CHSY3: variants seen among roughly 807,000 people sequenced by gnomAD.
CHSY3 encodes chondroitin sulfate synthase 3.
In CHSY3, 35 loss-of-function variants were observed where a neutral mutation model predicts 67.2. The ratio of observed to expected loss-of-function variants is 0.52; its 90% CI spans 0.40 to 0.69. The LOEUF (loss-of-function observed/expected upper bound fraction) is 0.69. Ranked by LOEUF, CHSY3 falls within the 30% of genes least tolerant of loss-of-function variation. The pLI is 0.00. For synonymous variants in CHSY3, 474 were observed against 434.7 expected, an observed-to-expected ratio of 1.09 and a Z score of -1.12; for missense variants, 1,069 against 1,138.5, an observed-to-expected ratio of 0.94 and a Z score of 0.88.
At chr5:129,999,897 G>A (rs922823026) in intron 2 of CHSY3, among the ~76,000 whole-genome samples, 1 of 151,850 alleles carries the variant, frequency 6.6e-6, no homozygotes, top group African/African-American at 2.4e-5. Flanking sequence ...TAAGAATTAG[G>A]ATACCACAGG....
chr5:129,967,028 A>G (rs779893705), intron 2 of CHSY3, among the ~76,000 whole-genome samples: 9 of 151,854 alleles, frequency 5.9e-5, no homozygotes, highest in Non-Finnish European at 8.8e-5. Context: ...TTCTATTTAT[A>G]TAACCAATTT....
At chr5:130,014,013 T>C (rs1764140519) in intron 2 of CHSY3, among the ~76,000 whole-genome samples, 1 of 152,304 alleles carries the variant, frequency 6.6e-6, no homozygotes, top group Non-Finnish European at 1.5e-5. Flanking sequence ...CACATATCCC[T>C]AAAGCACTGC....
chr5:130,133,601 A>G (rs1480564346), intron 2 of CHSY3, among the ~76,000 whole-genome samples: 1 of 151,564 alleles, frequency 6.6e-6, no homozygotes, highest in Non-Finnish European at 1.5e-5. Context: ...GTAAAACCCC[A>G]TCTATACTAA....
At chr5:130,037,202 G>A (rs1764885437) in intron 2 of CHSY3, among the ~76,000 whole-genome samples, 1 of 152,192 alleles carries the variant, frequency 6.6e-6, no homozygotes, top group Admixed American at 6.5e-5. Context: ...CCCACCTCTT[G>A]ACCTAGAAAA....
chr5:130,139,096 T>C (rs1027224941), intron 2 of CHSY3, among the ~76,000 whole-genome samples: 4 of 152,156 alleles, frequency 2.6e-5, no homozygotes, highest in Non-Finnish European at 4.4e-5. Flanking sequence ...ATGGAAAGTG[T>C]CTAAACATAG....
At chr5:130,086,253 T>C (rs1410374210) in intron 2 of CHSY3, among the ~76,000 whole-genome samples, 8 of 152,042 alleles carry the variant, frequency 5.3e-5, no homozygotes, top group Non-Finnish European at 1.0e-4. Flanking sequence ...CTAAGTCTCT[T>C]TGTAGGTCAC....
At chr5:130,015,113 A>G (rs769913905) in intron 2 of CHSY3, among the ~76,000 whole-genome samples, 2 of 152,062 alleles carry the variant, frequency 1.3e-5, no homozygotes, top group Middle Eastern at 3.2e-3. Flanking sequence ...TGTTTTTCTC[A>G]TGATAGTGAG....
At chr5:129,983,657 G>A (rs1456656183) in intron 2 of CHSY3, among the ~76,000 whole-genome samples, 1 of 151,962 alleles carries the variant, frequency 6.6e-6, no homozygotes, top group African/African-American at 2.4e-5. Flanking sequence ...ACTAATGACA[G>A]AACTATGAAA....
intron 2 of CHSY3, among the ~76,000 whole-genome samples, chr5:130,005,023 A>G (rs925405837): frequency 6.6e-6 from 1 of 152,158 alleles, no homozygotes; most frequent in African/African-American, 2.4e-5. Flanking sequence ...TGAGGATCCT[A>G]TTTCAGTAAC....
At chr5:130,134,727 A>C (rs1337205872) in intron 2 of CHSY3, among the ~76,000 whole-genome samples, 1 of 152,150 alleles carries the variant, frequency 6.6e-6, no homozygotes, top group African/African-American at 2.4e-5. Context: ...TTCTACACAC[A>C]AAGTGTTTAG....
intron 2 of CHSY3, among the ~76,000 whole-genome samples, chr5:129,957,427 C>T (rs1378226747): frequency 6.6e-6 from 1 of 152,002 alleles, no homozygotes; most frequent in Non-Finnish European, 1.5e-5. Context: ...AGTTTGACTT[C>T]TCTCCTCCTA....
intron 2 of CHSY3, among the ~76,000 whole-genome samples, chr5:129,959,364 A>G (rs1018648803): frequency 2.6e-5 from 4 of 151,996 alleles, no homozygotes; most frequent in African/African-American, 9.7e-5. Flanking sequence ...ATGCTTTCAC[A>G]TTTCCTATAG....
At chr5:130,164,526 C>A (rs1769671166) in intron 2 of CHSY3, among the ~76,000 whole-genome samples, 1 of 152,042 alleles carries the variant, frequency 6.6e-6, no homozygotes, top group African/African-American at 2.4e-5. Flanking sequence ...TTCAATATAT[C>A]ACTGTATTGA....
At chr5:130,056,965 C>T (rs1765553380) in intron 2 of CHSY3, among the ~76,000 whole-genome samples, 1 of 143,956 alleles carries the variant, frequency 6.9e-6, no homozygotes, top group African/African-American at 2.6e-5. Flanking sequence ...GCTTTGTCAC[C>T]CAGGCTGGAG....
chr5:130,067,685 G>A (rs1162015258), intron 2 of CHSY3, among the ~76,000 whole-genome samples: 2 of 152,094 alleles, frequency 1.3e-5, no homozygotes, highest in Non-Finnish European at 2.9e-5. Context: ...GCAGTAAGAT[G>A]AGAATAGGTT....
intron 2 of CHSY3, among the ~76,000 whole-genome samples, chr5:129,960,718 A>AT (rs1299594747): frequency 2.0e-5 from 3 of 152,028 alleles, no homozygotes; most frequent in Non-Finnish European, 2.9e-5. Context: ...TGTATGAAAT[A>AT]TTTTTTAAAA....
chr5:130,018,990 G>T (rs1054897212), intron 2 of CHSY3, among the ~76,000 whole-genome samples: 1 of 151,954 alleles, frequency 6.6e-6, no homozygotes, highest in African/African-American at 2.4e-5. Context: ...TTTTGATGCC[G>T]CCCAAAGACC....
At chr5:129,929,507 G>T (rs1023289868) in intron 2 of CHSY3, among the ~76,000 whole-genome samples, 7 of 152,136 alleles carry the variant, frequency 4.6e-5, no homozygotes, top group Non-Finnish European at 1.0e-4. Context: ...CACTTGATGG[G>T]CTGTATTCTG....
chr5:130,139,886 A>G lies in CHSY3; in HGVS notation c.1087-44343A>G, dbSNP rs1370273646. ...CTCAAAAGTAGAACTACTTCCTACT[A>G]CAGCTAAGTTTGGCTATCAAGTCAA... On this transcript the variant is annotated intron_variant, in intron 2 of 2. Coordinates refer to ENST00000305031, the MANE Select transcript of CHSY3 (RefSeq NM_175856.5). 2.6e-5 allele frequency: 4 copies of G among 152,386 alleles called. No individual in the cohort carries two copies. The East Asian group carries it at 7.7e-4, about 29-fold the overall frequency. The allele number at this position is 152,386 out of a possible 1,614,324, so 9.4% of individuals were successfully genotyped here.
Sources: allele counts gnomAD v4.1 joint callset (sites outside exome capture counted in the v4.1 genomes callset), GRCh38; gene constraint gnomAD v4.1.1; transcripts MANE v1.5; gene names NCBI Gene and HGNC (gene_info 2026-07-23, HGNC 2026-07-21).